Variants in RALGPS2 observed in about 807,000 individuals in gnomAD.
RALGPS2 encodes ras-specific guanine nucleotide-releasing factor RalGPS2.
A neutral mutation model predicts 86.8 loss-of-function variants in RALGPS2; 43 were observed. That is an observed-to-expected ratio of 0.50 (90% CI 0.39 to 0.64). RALGPS2 has a LOEUF of 0.64. Ranked by LOEUF, RALGPS2 falls within the 30% of genes least tolerant of loss-of-function variation. The probability of loss-of-function intolerance (pLI) is 0.00; values close to 1 mark genes in which losing one functional copy is unlikely to be tolerated. For missense variants in RALGPS2, 536 were observed against 694.6 expected (o/e 0.77, Z 2.57); for synonymous variants, 243 against 231.3 (o/e 1.05, Z -0.46).
intron 1 of RALGPS2, among the ~76,000 whole-genome samples, chr1:178,728,680 T>G (rs1009373573): frequency 6.6e-6 from 1 of 152,176 alleles, no homozygotes; most frequent in Non-Finnish European, 1.5e-5. Flanking sequence ...CATTACCCTG[T>G]AAATTGTTTC....
At chr1:178,900,279 T>C (rs1052073247) in intron 17 of RALGPS2, among the ~76,000 whole-genome samples, 3 of 151,994 alleles carry the variant, frequency 2.0e-5, no homozygotes, top group African/African-American at 7.2e-5. Flanking sequence ...TAGTATTCTA[T>C]AAAGTATATA....
chr1:178,735,421 TTTTTC>T (rs1650620961), intron 1 of RALGPS2, among the ~76,000 whole-genome samples: 2 of 147,338 alleles, frequency 1.4e-5, no homozygotes, highest in African/African-American at 5.0e-5. Context: ...CTATATTTTC[TTTTTC>T]TTTTCTTTTT....
At position 178,886,855 on chromosome 1, in the gene RALGPS2, A is replaced by G. The variant is rs145903374; in HGVS notation, c.1192+735A>G. ...GGAGGAAAGTACTGAATGTGTGAAT[A>G]TCAAATGCAGAACAAGAGAGCTAAG... On this transcript the variant is annotated intron_variant, in intron 13 of 19. Coordinates refer to ENST00000367635, the MANE Select transcript of RALGPS2 (RefSeq NM_152663.5). Among the ~76,000 whole-genome samples, 11 of 152,332 alleles carry G rather than the reference A, an allele frequency of 7.2e-5. No individual in the cohort carries two copies. In the East Asian group the frequency reaches 2.1e-3, roughly 29 times the overall value.
intron 8 of RALGPS2, 78 bp downstream of exon 8, chr1:178,833,628 A>G: frequency 2.0e-6 from 3 of 1,486,296 alleles, no homozygotes; most frequent in South Asian, 1.4e-5. Context: ...AATTCAAGGT[A>G]TTTTTTAAAT....
intron 8 of RALGPS2, among the ~76,000 whole-genome samples, chr1:178,875,783 G>A (rs1658977145): frequency 6.6e-6 from 1 of 152,084 alleles, no homozygotes; most frequent in Non-Finnish European, 1.5e-5. Flanking sequence ...ATGTATACTG[G>A]CTCTGGGGAA....
chr1:178,845,894 T>A (rs1656843140), intron 8 of RALGPS2, among the ~76,000 whole-genome samples: 1 of 152,224 alleles, frequency 6.6e-6, no homozygotes, highest in Non-Finnish European at 1.5e-5. Flanking sequence ...CTGGAAGAGA[T>A]GCATATCATT....
chr1:178,902,099 C>G lies in RALGPS2; in HGVS notation c.1525-7C>G. The G allele has an allele frequency of 6.3e-7, 1 of 1,599,776 alleles. No homozygotes were observed. Among genetic ancestry groups the G allele is most frequent in the Non-Finnish European group, 8.6e-7 (1 of 1,168,824 alleles). On this transcript the variant is annotated splice_region_variant and splice_polypyrimidine_tract_variant and intron_variant, in intron 17 of 19. Coordinates refer to ENST00000367635, the MANE Select transcript of RALGPS2 (RefSeq NM_152663.5). ...CTGTTTCCGCTAATTATCTTTTTTT[C>G]TCTCAGTTCAAATCAACATCCAATA... is the stretch of plus-strand genomic sequence containing the variant.
At position 178,764,133 on chromosome 1, in the gene RALGPS2, G is replaced by C. The variant is rs542261885; in HGVS notation, c.-83-12549G>C. 2.2e-3 allele frequency among the ~76,000 whole-genome samples: 308 copies of C among 138,752 alleles called. 2 individuals carry two copies. Among genetic ancestry groups the C allele is most frequent in the African/African-American group, 8.5e-3 (298 of 34,976 alleles). The allele number at this position is 138,752 out of a possible 152,430, so 91.0% of individuals were successfully genotyped here. ...ATAGGTCTCTAAGAACTTGCTTTAT[G>C]GATCTGGCTGCTCCTGTTTTGGGTG... On this transcript the variant is annotated intron_variant, in intron 1 of 19. Transcript: ENST00000367635.
chr1:178,902,009 C>A, intron 17 of RALGPS2, 97 bp from the exon 18 acceptor site: 1 of 847,898 alleles, frequency 1.2e-6, no homozygotes, highest in Non-Finnish European at 1.9e-6. Flanking sequence ...TCTCATCTTT[C>A]ATTAGGAGAA....
At chr1:178,801,936 T>G (rs965601145) in intron 4 of RALGPS2, among the ~76,000 whole-genome samples, 1 of 152,112 alleles carries the variant, frequency 6.6e-6, no homozygotes, top group African/African-American at 2.4e-5. Flanking sequence ...AGAGAAAATG[T>G]TTTTGAACCT....
chr1:178,859,398 T>A (rs1054972141), intron 8 of RALGPS2, among the ~76,000 whole-genome samples: 3 of 146,376 alleles, frequency 2.0e-5, no homozygotes, highest in African/African-American at 7.7e-5. Context: ...TTTCCAAGTT[T>A]AACTTTTTTT....
At chr1:178,878,779 A>T in intron 9 of RALGPS2, 123 bp from the exon 10 acceptor site, 1 of 1,282,738 alleles carries the variant, frequency 7.8e-7, no homozygotes, top group Non-Finnish European at 1.1e-6. Flanking sequence ...ATGTCCTTCT[A>T]GAGTTAATTT....
Position 178,851,354 on chromosome 1 carries a change from C to A in RALGPS2, c.607+17804C>A, listed in dbSNP as rs932331672. The A allele has an allele frequency of 3.8e-6, 6 of 1,571,086 alleles. No individual in the cohort carries two copies. In the African/African-American group the frequency reaches 5.5e-5, roughly 14 times the overall value. ...AATACAGATATAAATGTAAAAGTTT[C>A]TTCTAGGTGTGGTACTCTGCAATCA... On this transcript the variant is annotated intron_variant, in intron 8 of 19. Transcript: ENST00000367635.
At chr1:178,747,127 A>T in intron 1 of RALGPS2, 1 of 949,598 alleles carries the variant, frequency 1.1e-6, no homozygotes, top group Admixed American at 1.8e-5. Flanking sequence ...TGTTAATATC[A>T]TCTCCTTTTT....
intron 8 of RALGPS2, among the ~76,000 whole-genome samples, chr1:178,837,969 C>T (rs1052115687): frequency 8.5e-5 from 13 of 152,196 alleles, no homozygotes; most frequent in Non-Finnish European, 1.6e-4. Flanking sequence ...AAGGCGGCAG[C>T]GAGGCTGGGG....
At chr1:178,911,628 C>CA (rs1213293344) in intron 19 of RALGPS2, among the ~76,000 whole-genome samples, 4 of 152,264 alleles carry the variant, frequency 2.6e-5, no homozygotes, top group African/African-American at 9.6e-5. Context: ...GCTTTATGCC[C>CA]AAGCATGTGG....
intron 8 of RALGPS2, among the ~76,000 whole-genome samples, chr1:178,862,909 A>G (rs1446299965): frequency 6.6e-6 from 1 of 152,204 alleles, no homozygotes; most frequent in Admixed American, 6.5e-5. Context: ...ATTTTGATGG[A>G]GAGAGAAAAC....
intron 6 of RALGPS2, among the ~76,000 whole-genome samples, chr1:178,819,760 C>T (rs1028553951): frequency 6.6e-6 from 1 of 152,146 alleles, no homozygotes; most frequent in Non-Finnish European, 1.5e-5. Context: ...ATTTACCAGA[C>T]TTCTGGTATG....
rs55797277 is a variant in RALGPS2 at position 178,856,202 on chromosome 1, G to GATATATATATATAT, written c.608-21277_608-21264dup. Among the ~76,000 whole-genome samples, 204 of 83,878 alleles carry GATATATATATATAT rather than the reference G, an allele frequency of 2.4e-3. 3 individuals are homozygous for GATATATATATATAT. The highest frequency in any genetic ancestry group is 0.012 in the African/African-American group (188 of 15,564). The allele number at this position is 83,878 out of a possible 152,430, so 55.0% of individuals were successfully genotyped here. On this transcript the variant is annotated intron_variant, in intron 8 of 19. Coordinates refer to ENST00000367635, the MANE Select transcript of RALGPS2 (RefSeq NM_152663.5). The stretch of plus-strand genomic sequence containing the variant: ...ACCTGTACTTTTCCAGAGAGAGAGA[G>GATATATATATATAT]ATATATATATATATATATATATATA...
Sources: allele counts gnomAD v4.1 joint callset (sites outside exome capture counted in the v4.1 genomes callset), GRCh38; gene constraint gnomAD v4.1.1; transcripts MANE v1.5; gene names NCBI Gene and HGNC (gene_info 2026-07-23, HGNC 2026-07-21).